The following GLI3 variants were observed in gnomAD, a reference collection of about 807,000 sequenced individuals.
GLI3 encodes GLI family zinc finger 3.
GLI3 carries 20 observed loss-of-function variants against 100.8 expected under a neutral mutation model. The observed-to-expected ratio is 0.20, with a 90% CI of 0.14 to 0.29. The LOEUF is 0.29. Among genes scored for constraint, GLI3 ranks in the 10% least tolerant of loss-of-function variants. GLI3 has a pLI of 1.00. For missense variants in GLI3, 2,040 were observed against 2,128.5 expected, an observed-to-expected ratio of 0.96 and a Z score of 0.82; for synonymous variants, 938 against 860.5, an observed-to-expected ratio of 1.09 and a Z score of -1.58.
At chr7:41,986,760 G>C (rs1030367598) in intron 10 of GLI3, among the ~76,000 whole-genome samples, 1 of 151,940 alleles carries the variant, frequency 6.6e-6, no homozygotes, top group Non-Finnish European at 1.5e-5. Flanking sequence ...GCACAGCTTT[G>C]AGAATATATC....
intron 3 of GLI3, among the ~76,000 whole-genome samples, chr7:42,128,018 CAA>C (rs762509904): frequency 2.6e-4 from 22 of 84,970 alleles, no homozygotes; most frequent in Non-Finnish European, 3.2e-4. Flanking sequence ...GACCCTGACT[CAA>C]AAAAAAAAAA....
Position 42,026,182 on chromosome 7 carries a change from C to CGACCT in GLI3, c.1242+12_1242+16dup. 6.3e-7 allele frequency: 1 copy of CGACCT among 1,592,264 alleles called. No homozygotes were observed. The highest frequency in any genetic ancestry group is 1.3e-5 in the African/African-American group (1 of 74,618). ...GGCTGACCAGCACGGCCGGGTGCAT[C>CGACCT]GACCTGTCCCTCTCACCTGTGAGGA... On this transcript the variant is annotated intron_variant, in intron 8 of 14. Transcript: ENST00000395925.
chr7:41,965,706 G>T lies in GLI3; in HGVS notation c.3367C>A (p.Pro1123Thr), dbSNP rs1787150238. Residue 1123 changes from proline (P) to threonine (T), a missense_variant, in exon 15 of 15, where the codon CCC becomes ACC. Physicochemically the swap from Pro to Thr is conservative, Grantham distance 38 (BLOSUM62 -1). Transcript: ENST00000395925. ...PSALPDDSKVPHGPGDFDAPG... is the reference protein window; with the variant it reads ...PSALPDDSKVTHGPGDFDAPG... Reference sequence around the variant, plus strand: ...GCGTCAAAGTCACCGGGCCCGTGGGGCACTTTGCTGTCGTCCGGGAGGGCG... The same window carrying T: ...GCGTCAAAGTCACCGGGCCCGTGGGTCACTTTGCTGTCGTCCGGGAGGGCG... The T allele has an allele frequency of 1.9e-6, 3 of 1,613,802 alleles. No individual in the cohort carries two copies. The highest frequency in any genetic ancestry group is 1.1e-5 in the South Asian group (1 of 91,086).
chr7:42,092,972 C>G (rs4480018), intron 3 of GLI3, among the ~76,000 whole-genome samples: 5,954 of 151,866 alleles, frequency 0.039, 360 homozygotes, highest in African/African-American at 0.14. Flanking sequence ...CGCCACCACG[C>G]CTGGCTAATT....
chr7:42,013,727 T>C (rs972884986), intron 10 of GLI3, among the ~76,000 whole-genome samples: 7 of 152,060 alleles, frequency 4.6e-5, no homozygotes, highest in African/African-American at 1.2e-4. Flanking sequence ...ATGATAACAA[T>C]CACAATAAAA....
intron 4 of GLI3, 32 bp downstream of exon 4, chr7:42,076,720 A>C: frequency 7.5e-7 from 1 of 1,340,716 alleles, no homozygotes; most frequent in South Asian, 1.2e-5. Flanking sequence ...ATCTCGTTCC[A>C]TTTCATTAAT....
At chr7:42,247,552 C>T (rs112302349) in intron 1 of GLI3, among the ~76,000 whole-genome samples, 5 of 152,196 alleles carry the variant, frequency 3.3e-5, no homozygotes, top group South Asian at 2.1e-4. Flanking sequence ...ATTCATTTTC[C>T]GGTCCACCAC....
intron 1 of GLI3, among the ~76,000 whole-genome samples, chr7:42,248,622 A>G (rs1788998480): frequency 6.6e-6 from 1 of 152,192 alleles, no homozygotes; most frequent in Non-Finnish European, 1.5e-5. Context: ...CCCACAAGTT[A>G]AACAGGTACA....
intron 10 of GLI3, among the ~76,000 whole-genome samples, chr7:41,988,020 A>G (rs143481920): frequency 4.5e-4 from 68 of 152,386 alleles, no homozygotes; most frequent in Middle Eastern, 6.8e-3. Flanking sequence ...GTAAATATTC[A>G]TAATATTGGT....
intron 1 of GLI3, among the ~76,000 whole-genome samples, chr7:42,250,107 A>T (rs1789016316): frequency 1.3e-5 from 2 of 152,258 alleles, no homozygotes; most frequent in South Asian, 4.2e-4. Context: ...CAACAAAAAA[A>T]AAGTTACTCT....
At chr7:42,162,162 T>C (rs1249450420) in intron 2 of GLI3, among the ~76,000 whole-genome samples, 2 of 152,130 alleles carry the variant, frequency 1.3e-5, no homozygotes, top group African/African-American at 2.4e-5. Context: ...GTAAAGGCCA[T>C]GGAGAGGAAA....
intron 2 of GLI3, among the ~76,000 whole-genome samples, chr7:42,186,501 G>T (rs1477693241): frequency 6.6e-6 from 1 of 152,134 alleles, no homozygotes; most frequent in East Asian, 1.9e-4. Context: ...TCACAAGAAG[G>T]CACAGATGAG....
intron 3 of GLI3, among the ~76,000 whole-genome samples, chr7:42,141,616 G>A (rs1281284171): frequency 6.6e-6 from 1 of 152,132 alleles, no homozygotes; most frequent in East Asian, 1.9e-4. Context: ...AGGTTGCGGT[G>A]AGCCAAGATC....
intron 3 of GLI3, among the ~76,000 whole-genome samples, chr7:42,125,577 T>G (rs1355122868): frequency 6.6e-6 from 1 of 152,134 alleles, no homozygotes; most frequent in Non-Finnish European, 1.5e-5. Flanking sequence ...TGAGCTGAGA[T>G]CCTTTTATGT....
Position 41,964,321 on chromosome 7 carries a change from T to A in GLI3, c.*9A>T. On this transcript the variant is annotated 3_prime_UTR_variant, in exon 15 of 15. Coordinates refer to ENST00000395925, the MANE Select transcript of GLI3 (RefSeq NM_000168.6). ...ATTTCCGTTGGTTGCAGTCTTTTTT[T>A]CCTAAAGCCTATTGCATAACTGCAA... 6.2e-7 allele frequency: 1 copy of A among 1,613,204 alleles called. No individual in the cohort carries two copies. Among genetic ancestry groups the A allele is most frequent in the Non-Finnish European group, 8.5e-7 (1 of 1,179,150 alleles).
At chr7:42,038,200 G>T (rs1360297202) in intron 7 of GLI3, among the ~76,000 whole-genome samples, 2 of 152,204 alleles carry the variant, frequency 1.3e-5, no homozygotes, top group African/African-American at 4.8e-5. Context: ...TTCGCCAGGA[G>T]TGCAGGAGCA....
chr7:41,976,627 T>G (rs568425041), intron 12 of GLI3, among the ~76,000 whole-genome samples: 59 of 152,236 alleles, frequency 3.9e-4, no homozygotes, highest in South Asian at 8.3e-4. Flanking sequence ...GTGTGCACGA[T>G]GTTCCTTCTC....
At chr7:42,046,935 C>T (rs932622864) in intron 5 of GLI3, among the ~76,000 whole-genome samples, 3 of 152,248 alleles carry the variant, frequency 2.0e-5, no homozygotes, top group African/African-American at 4.8e-5. Flanking sequence ...GTGGGTAGAT[C>T]GCTTGAGCTC....
At chr7:42,204,305 C>T (rs1046295233) in intron 2 of GLI3, among the ~76,000 whole-genome samples, 6 of 152,122 alleles carry the variant, frequency 3.9e-5, no homozygotes, top group Non-Finnish European at 8.8e-5. Flanking sequence ...AATGCTCATG[C>T]TTTAAGTATT....
Sources: allele counts gnomAD v4.1 joint callset (sites outside exome capture counted in the v4.1 genomes callset), GRCh38; gene constraint gnomAD v4.1.1; transcripts MANE v1.5; gene names NCBI Gene and HGNC (gene_info 2026-07-23, HGNC 2026-07-21).